Variants in PATJ observed in about 807,000 individuals in gnomAD.
PATJ encodes inaD-like protein.
In PATJ, 190 loss-of-function variants were observed where a neutral mutation model predicts 224.9. The observed-to-expected ratio is 0.84, with a 90% confidence interval of 0.75 to 0.95. PATJ has a LOEUF of 0.95. Among genes scored for constraint, PATJ ranks in the 40% least tolerant of loss-of-function variants. The pLI is 0.00. For missense variants in PATJ, 2,121 were observed against 2,270.3 expected, an observed-to-expected ratio of 0.93 and a Z score of 1.34; for synonymous variants, 769 against 820.3, an observed-to-expected ratio of 0.94 and a Z score of 1.07.
intron 1 of PATJ, among the ~76,000 whole-genome samples, chr1:61,744,284 C>CAAAAAAAAA (rs35247131): frequency 2.9e-5 from 2 of 69,668 alleles, no homozygotes; most frequent in African/African-American, 1.1e-4. Flanking sequence ...AACCCTGTCT[C>CAAAAAAAAA]AAAAAAAAAA....
chr1:61,816,215 T>G (rs952509665), intron 14 of PATJ, among the ~76,000 whole-genome samples: 1 of 152,204 alleles, frequency 6.6e-6, no homozygotes, highest in Non-Finnish European at 1.5e-5. Context: ...CCAAGAGTTA[T>G]GGTGGATGTT....
intron 24 of PATJ, among the ~76,000 whole-genome samples, chr1:61,906,248 A>G (rs909686847): frequency 3.3e-5 from 5 of 152,214 alleles, no homozygotes; most frequent in Non-Finnish European, 5.9e-5. Flanking sequence ...CCCTTCCAGC[A>G]TGTCAACATG....
At chr1:61,837,139 A>G (rs1261775791) in intron 17 of PATJ, among the ~76,000 whole-genome samples, 1 of 152,254 alleles carries the variant, frequency 6.6e-6, no homozygotes, top group Non-Finnish European at 1.5e-5. Context: ...AAATGGAGAT[A>G]GTAATGTCTA....
At chr1:61,926,481 A>G (rs1450458588) in intron 26 of PATJ, among the ~76,000 whole-genome samples, 1 of 152,136 alleles carries the variant, frequency 6.6e-6, no homozygotes, top group African/African-American at 2.4e-5. Context: ...TTGATATAGA[A>G]TATCCTGGTT....
chr1:62,065,572 C>T (rs1200981342), intron 31 of PATJ, among the ~76,000 whole-genome samples: 1 of 152,102 alleles, frequency 6.6e-6, no homozygotes, highest in Non-Finnish European at 1.5e-5. Flanking sequence ...CACACCATTG[C>T]ACTCCAGCCT....
Position 62,142,718 on chromosome 1 carries a change from G to C in PATJ, c.5272-5566G>C, listed in dbSNP as rs79887404. Among the ~76,000 whole-genome samples the C allele has an allele frequency of 6.4e-3, 982 of 152,304 alleles. 12 individuals carry two copies. Among genetic ancestry groups the C allele is most frequent in the African/African-American group, 0.023 (936 of 41,570 alleles). ...AATTAAACACGGATGGTCAAAGCAG[G>C]CTTGTAGAAGGGAAGTGACATTTAA... On this transcript the variant is annotated intron_variant, in intron 41 of 43. Transcript: ENST00000642238.
chr1:61,820,083 C>G (rs987192235), intron 14 of PATJ, among the ~76,000 whole-genome samples: 1 of 151,890 alleles, frequency 6.6e-6, no homozygotes, highest in South Asian at 2.1e-4. Context: ...GCTCTGTCGC[C>G]CAGGCTGGAG....
At chr1:61,962,880 A>T (rs1681507319) in intron 27 of PATJ, among the ~76,000 whole-genome samples, 1 of 152,216 alleles carries the variant, frequency 6.6e-6, no homozygotes, top group African/African-American at 2.4e-5. Context: ...TCAAGGCGGC[A>T]TGCCAGCCCA....
intron 24 of PATJ, among the ~76,000 whole-genome samples, chr1:61,904,488 T>A (rs937330383): frequency 6.6e-6 from 1 of 152,248 alleles, no homozygotes; most frequent in Non-Finnish European, 1.5e-5. Context: ...TGTAGCTCTA[T>A]ACAGTTTTAT....
chr1:62,007,355 G>A (rs1455029511), intron 28 of PATJ, among the ~76,000 whole-genome samples: 1 of 152,216 alleles, frequency 6.6e-6, no homozygotes, highest in Admixed American at 6.5e-5. Context: ...AGATGAGGAA[G>A]CTAAAAACAG....
intron 27 of PATJ, among the ~76,000 whole-genome samples, chr1:61,950,232 A>G (rs1218914376): frequency 1.3e-5 from 2 of 152,312 alleles, no homozygotes; most frequent in East Asian, 1.9e-4. Flanking sequence ...GAATAAAAGT[A>G]TAGTAATCAA....
intron 27 of PATJ, among the ~76,000 whole-genome samples, chr1:61,956,526 G>C (rs1392310630): frequency 6.6e-6 from 1 of 152,064 alleles, no homozygotes; most frequent in Non-Finnish European, 1.5e-5. Flanking sequence ...AAGATAATGA[G>C]GTATGAAAGG....
chr1:61,800,284 A>G (rs1652208168), intron 11 of PATJ, among the ~76,000 whole-genome samples: 1 of 152,160 alleles, frequency 6.6e-6, no homozygotes, highest in African/African-American at 2.4e-5. Context: ...CTTTTTAATA[A>G]TGGCCATTCT....
At chr1:62,008,608 G>A (rs752734629) in intron 28 of PATJ, among the ~76,000 whole-genome samples, 4 of 151,990 alleles carry the variant, frequency 2.6e-5, no homozygotes, top group Non-Finnish European at 5.9e-5. Context: ...AAATGAGCCC[G>A]GTGTGTGGTG....
At chr1:61,795,017 T>C (rs182601396) in intron 9 of PATJ, among the ~76,000 whole-genome samples, 1 of 151,016 alleles carries the variant, frequency 6.6e-6, no homozygotes, top group Non-Finnish European at 1.5e-5. Flanking sequence ...ATAGTTTTCT[T>C]ATTTCTGTGT....
At chr1:61,958,582 G>A (rs112428430) in intron 27 of PATJ, among the ~76,000 whole-genome samples, 1,930 of 152,258 alleles carry the variant, frequency 0.013, 25 homozygotes, top group Middle Eastern at 0.038. Flanking sequence ...AGTGTCGTCT[G>A]CTTTATTTGG....
At chr1:62,001,139 T>C (rs1645743462) in intron 28 of PATJ, among the ~76,000 whole-genome samples, 1 of 150,410 alleles carries the variant, frequency 6.6e-6, no homozygotes, top group South Asian at 2.1e-4. Flanking sequence ...TTTTGTAGGT[T>C]GCCTGTTCAC....
At chr1:61,747,151 G>A (rs559075802) in intron 1 of PATJ, among the ~76,000 whole-genome samples, 11 of 152,234 alleles carry the variant, frequency 7.2e-5, no homozygotes, top group Admixed American at 7.2e-4. Flanking sequence ...TTTGAGAAAC[G>A]GGACCAATCT....
At chr1:61,764,936 T>C (rs1481007500) in intron 3 of PATJ, among the ~76,000 whole-genome samples, 1 of 152,098 alleles carries the variant, frequency 6.6e-6, no homozygotes, top group East Asian at 1.9e-4. Context: ...AACTACCCTA[T>C]CCTAATAACA....
Sources: gnomAD v4.1 joint callset for allele counts (sites outside exome capture counted in the v4.1 genomes callset) on GRCh38, gnomAD v4.1.1 for gene constraint, MANE v1.5 for transcripts, NCBI Gene and HGNC (gene_info 2026-07-23, HGNC 2026-07-21) for gene names.